Variants in CADM1 observed in about 807,000 individuals in gnomAD.
The protein encoded by CADM1 is TSLC-1.
A neutral mutation model predicts 53.1 loss-of-function variants in CADM1; 15 were observed. That is an observed-to-expected ratio of 0.28 (90% CI 0.19 to 0.44). The LOEUF (loss-of-function observed/expected upper bound fraction) is 0.44. Ranked by LOEUF, CADM1 falls within the 20% of genes least tolerant of loss-of-function variation. The pLI is 1.00. For synonymous variants in CADM1, 281 were observed against 243.0 expected (o/e 1.16, Z -1.45); for missense variants, 434 against 611.3 (o/e 0.71, Z 3.06).
chr11:115,218,080 C>T (rs1352420963), intron 5 of CADM1, 89 bp from the exon 6 acceptor site: 2 of 827,336 alleles, frequency 2.4e-6, no homozygotes, highest in Admixed American at 3.8e-5. Context: ...ACCACAGTAC[C>T]AGCACTTACT....
intron 1 of CADM1, among the ~76,000 whole-genome samples, chr11:115,443,241 CTCA>C (rs1948366263): frequency 6.6e-6 from 1 of 152,130 alleles, no homozygotes; most frequent in Non-Finnish European, 1.5e-5. Context: ...GCTAATAGAC[CTCA>C]TCCATTAACC....
intron 5 of CADM1, among the ~76,000 whole-genome samples, chr11:115,223,073 A>G (rs933825703): frequency 6.6e-6 from 1 of 152,200 alleles, no homozygotes; most frequent in Non-Finnish European, 1.5e-5. Context: ...GAATGAAGGA[A>G]TAAGTGAATG....
chr11:115,284,571 G>A (rs1376755562), intron 1 of CADM1, among the ~76,000 whole-genome samples: 1 of 151,330 alleles, frequency 6.6e-6, no homozygotes, highest in Admixed American at 6.6e-5. Flanking sequence ...AAGGAATAAA[G>A]CACATTCATG....
At chr11:115,359,723 G>C (rs1298519716) in intron 1 of CADM1, among the ~76,000 whole-genome samples, 3 of 152,126 alleles carry the variant, frequency 2.0e-5, no homozygotes, top group Non-Finnish European at 4.4e-5. Context: ...CTCAATCTTT[G>C]TTGAATGTTT....
At position 115,364,190 on chromosome 11, in the gene CADM1, T is replaced by G. The variant is rs1946099752; in HGVS notation, c.125-123770A>C. Among the ~76,000 whole-genome samples, 5 of 152,216 alleles carry G rather than the reference T, an allele frequency of 3.3e-5. No homozygotes were observed. The South Asian group carries it at 1.0e-3, about 31-fold the overall frequency. Reference sequence around the variant, plus strand: ...GAAATTTCAGATATGTTCATTCTTATTCTGTCTGGCAATGAGTGTGTCTCA... The same window carrying G: ...GAAATTTCAGATATGTTCATTCTTAGTCTGTCTGGCAATGAGTGTGTCTCA... On this transcript the variant is annotated intron_variant, in intron 1 of 11. Transcript: ENST00000331581.
At chr11:115,353,063 T>C (rs984913281) in intron 1 of CADM1, among the ~76,000 whole-genome samples, 2 of 152,258 alleles carry the variant, frequency 1.3e-5, no homozygotes, top group Non-Finnish European at 1.5e-5. Flanking sequence ...GGACTGAAAA[T>C]GCTAAAGGCT....
chr11:115,205,659 C>T (rs918318088), intron 8 of CADM1, among the ~76,000 whole-genome samples: 4 of 151,946 alleles, frequency 2.6e-5, no homozygotes, highest in Admixed American at 6.6e-5. Context: ...TGAAACCACA[C>T]GGACAATTTG....
At chr11:115,183,884 C>T (rs188871895) in intron 10 of CADM1, among the ~76,000 whole-genome samples, 5 of 152,304 alleles carry the variant, frequency 3.3e-5, no homozygotes, top group South Asian at 4.1e-4. Context: ...AGATGCTCAG[C>T]GTTCTGTGCT....
At chr11:115,401,444 TA>T (rs1947151542) in intron 1 of CADM1, among the ~76,000 whole-genome samples, 1 of 152,142 alleles carries the variant, frequency 6.6e-6, no homozygotes, top group Non-Finnish European at 1.5e-5. Flanking sequence ...CCATTTCTAC[TA>T]AAAACACAAC....
intron 1 of CADM1, among the ~76,000 whole-genome samples, chr11:115,498,524 G>A (rs553379830): frequency 1.3e-5 from 2 of 152,238 alleles, no homozygotes; most frequent in Admixed American, 6.5e-5. Flanking sequence ...CACAGTTGAG[G>A]GACTAGCTAC....
intron 1 of CADM1, among the ~76,000 whole-genome samples, chr11:115,407,373 C>T (rs1484579225): frequency 2.6e-5 from 4 of 152,112 alleles, no homozygotes. Flanking sequence ...GAGTTCAATG[C>T]AAATCTACCA....
intron 1 of CADM1, among the ~76,000 whole-genome samples, chr11:115,440,967 A>T (rs2135322507): frequency 6.6e-6 from 1 of 151,794 alleles, no homozygotes; most frequent in South Asian, 2.1e-4. Context: ...GTGTGTGGAG[A>T]CGGGACCTCA....
chr11:115,261,448 AAGT>A (rs1942971237), intron 1 of CADM1, among the ~76,000 whole-genome samples: 3 of 152,190 alleles, frequency 2.0e-5, no homozygotes, highest in Admixed American at 2.0e-4. Flanking sequence ...AAGTAAAACA[AAGT>A]AGTATAAACA....
chr11:115,371,988 T>C (rs1222092455), intron 1 of CADM1, among the ~76,000 whole-genome samples: 1 of 152,204 alleles, frequency 6.6e-6, no homozygotes, highest in East Asian at 1.9e-4. Flanking sequence ...TCATCATACC[T>C]AAAACCTTGG....
intron 6 of CADM1, 137 bp from the exon 7 acceptor site, chr11:115,214,917 T>G: frequency 2.1e-6 from 2 of 937,526 alleles, no homozygotes; most frequent in Admixed American, 1.9e-5. Flanking sequence ...AACTGTGAAG[T>G]CTCCAAAAAT....
chr11:115,395,833 A>G lies in CADM1; in HGVS notation c.124+108438T>C, dbSNP rs373608211. 1.1e-3 allele frequency among the ~76,000 whole-genome samples: 164 copies of G among 152,334 alleles called. 1 individual carries two copies. The highest frequency in any genetic ancestry group is 3.5e-3 in the African/African-American group (144 of 41,578). The stretch of plus-strand genomic sequence containing the variant: ...ACTGTAGCTAATTTCCTAATTTTAC[A>G]TATTATTTAAACATAGTCCAAAAGA... On this transcript the variant is annotated intron_variant, in intron 1 of 11. Coordinates refer to ENST00000331581, the MANE Select transcript of CADM1 (RefSeq NM_001301043.2).
In CADM1 at chr11:115,175,932, A is replaced by G; in HGVS notation, c.*542T>C. The G allele has an allele frequency of 9.9e-7, 1 of 1,011,340 alleles. No individual in the cohort carries two copies. The highest frequency in any genetic ancestry group is 1.2e-6 in the Non-Finnish European group (1 of 845,458). 62.6% of individuals were successfully genotyped at this position (1,011,340 alleles called of 1,614,324 possible). A position where few individuals can be genotyped will look rare whatever the true frequency, so the allele number is the denominator to read the frequency against. On this transcript the variant is annotated 3_prime_UTR_variant, in exon 12 of 12. Coordinates refer to ENST00000331581, the MANE Select transcript of CADM1 (RefSeq NM_001301043.2). ...TTATGGATACACTAAATTCTGAACTATGAAATCTAAGCTGTGCTGGTTCTC... is the reference window on the plus strand; with the variant it reads ...TTATGGATACACTAAATTCTGAACTGTGAAATCTAAGCTGTGCTGGTTCTC...
At chr11:115,255,346 C>T (rs945906150) in intron 1 of CADM1, among the ~76,000 whole-genome samples, 2 of 152,174 alleles carry the variant, frequency 1.3e-5, no homozygotes, top group African/African-American at 4.8e-5. Flanking sequence ...ACCTGTCCAC[C>T]AGTCCCCTCA....
rs1938840410 is a variant in CADM1, at chr11:115,172,758, TAA to T, written c.*3714_*3715del. 4 of 15,410 alleles carry T rather than the reference TAA, an allele frequency of 2.6e-4. No individual in the cohort carries two copies. Among genetic ancestry groups the T allele is most frequent in the South Asian group, 3.2e-3 (2 of 634 alleles). The allele number at this position is 15,410 out of a possible 1,614,324, so 1.0% of individuals were successfully genotyped here. A position where few individuals can be genotyped will look rare whatever the true frequency, so the allele number is the denominator to read the frequency against. ...TTTTTTTTTTTTTTTTTTTTTTTTT[TAA>T]CAGAGACAGGTAAGAGACCAGGCCA... On this transcript the variant is annotated 3_prime_UTR_variant, in exon 12 of 12. Coordinates refer to ENST00000331581, the MANE Select transcript of CADM1 (RefSeq NM_001301043.2).
Sources: allele counts gnomAD v4.1 joint callset (sites outside exome capture counted in the v4.1 genomes callset), GRCh38; gene constraint gnomAD v4.1.1; transcripts MANE v1.5; gene names NCBI Gene and HGNC (gene_info 2026-07-23, HGNC 2026-07-21).